The following XRN1 variants were observed in gnomAD, a reference collection of about 807,000 sequenced individuals.
XRN1 encodes the protein strand-exchange protein 1 homolog.
In XRN1, 67 loss-of-function variants were observed where a neutral mutation model predicts 222.3. The observed-to-expected ratio is 0.30, with a 90% confidence interval of 0.25 to 0.37. The LOEUF (loss-of-function observed/expected upper bound fraction) is 0.37. Among genes scored for constraint, XRN1 ranks in the 10% least tolerant of loss-of-function variants. The pLI is 1.00. For missense variants in XRN1, 1,707 were observed against 2,000.2 expected, an observed-to-expected ratio of 0.85 and a Z score of 2.80; for synonymous variants, 643 against 652.4, an observed-to-expected ratio of 0.99 and a Z score of 0.22.
At chr3:142,333,473 A>G (rs935871507) in intron 34 of XRN1, among the ~76,000 whole-genome samples, 2 of 152,208 alleles carry the variant, frequency 1.3e-5, no homozygotes, top group Non-Finnish European at 2.9e-5. Flanking sequence ...CTTTTGTATC[A>G]TAAGAAAAGG....
At chr3:142,380,458 G>A (rs1167285768) in intron 22 of XRN1, among the ~76,000 whole-genome samples, 2 of 151,630 alleles carry the variant, frequency 1.3e-5, no homozygotes, top group East Asian at 3.9e-4. Context: ...TTTTCTTTTT[G>A]ACAGGATCTC....
intron 2 of XRN1, among the ~76,000 whole-genome samples, chr3:142,430,196 T>C (rs1191679531): frequency 6.6e-6 from 1 of 152,192 alleles, no homozygotes; most frequent in Non-Finnish European, 1.5e-5. Context: ...TGGGAAGTTA[T>C]CCCTTACGGC....
chr3:142,402,181 C>CT (rs535300324), intron 18 of XRN1, among the ~76,000 whole-genome samples: 218 of 149,466 alleles, frequency 1.5e-3, no homozygotes, highest in Middle Eastern at 6.9e-3. Flanking sequence ...AATAGCCTTT[C>CT]TTTTTTTTTT....
intron 25 of XRN1, among the ~76,000 whole-genome samples, chr3:142,372,324 G>A (rs141944752): frequency 1.3e-5 from 2 of 152,248 alleles, no homozygotes; most frequent in Admixed American, 6.5e-5. Context: ...GGAAGCATAA[G>A]GTCTCTAGAA....
In XRN1 at chr3:142,308,188, C is replaced by T. The variant is rs544722814; in HGVS notation, c.*3323G>A. ...TAAATAAAAAGTGAGTAAAAAAGAC[C>T]TTACAGTTTATCTATTTCCTTGTGC... On this transcript the variant is annotated 3_prime_UTR_variant, in exon 41 of 41. Transcript: ENST00000392981. 3.3e-5 allele frequency: 5 copies of T among 152,022 alleles called. No homozygotes were observed. The highest frequency in any genetic ancestry group is 1.2e-4 in the African/African-American group (5 of 41,404). 9.4% of individuals were successfully genotyped at this position (152,022 alleles called of 1,614,324 possible). A position where few individuals can be genotyped will look rare whatever the true frequency, so the allele number is the denominator to read the frequency against.
chr3:142,398,657 A>G (rs2068018550), intron 19 of XRN1, among the ~76,000 whole-genome samples: 1 of 152,214 alleles, frequency 6.6e-6, no homozygotes, highest in South Asian at 2.1e-4. Flanking sequence ...TTGAGCCACC[A>G]CACCTGGCCC....
intron 15 of XRN1, 121 bp downstream of exon 15, chr3:142,412,423 G>C: frequency 1.5e-6 from 2 of 1,311,012 alleles, no homozygotes; most frequent in Non-Finnish European, 2.0e-6. Context: ...ATAATGAAGA[G>C]GGTAGCTAAA....
At chr3:142,383,209 A>G (rs1290182844) in intron 22 of XRN1, 91 bp downstream of exon 22, 4 of 1,000,298 alleles carry the variant, frequency 4.0e-6, no homozygotes, top group Middle Eastern at 2.2e-4. Context: ...TCCCTTCATT[A>G]TTATATTTTA....
At chr3:142,430,110 G>C (rs890510958) in intron 2 of XRN1, among the ~76,000 whole-genome samples, 13 of 152,122 alleles carry the variant, frequency 8.5e-5, no homozygotes, top group African/African-American at 3.1e-4. Context: ...CATTTTGGTA[G>C]GGGGCTCTGA....
At chr3:142,400,863 G>A (rs1285711997) in intron 18 of XRN1, among the ~76,000 whole-genome samples, 1 of 152,028 alleles carries the variant, frequency 6.6e-6, no homozygotes, top group Non-Finnish European at 1.5e-5. Context: ...GTTGCAGTGA[G>A]GTGAGATTGC....
intron 16 of XRN1, 148 bp downstream of exon 16, chr3:142,404,759 G>C (rs979731180): frequency 1.4e-6 from 1 of 706,332 alleles, no homozygotes; most frequent in Non-Finnish European, 2.4e-6. Flanking sequence ...CAAGTTAGAT[G>C]TAACTCATTG....
chr3:142,358,071 A>G, intron 30 of XRN1, among the ~76,000 whole-genome samples: 1 of 152,110 alleles, frequency 6.6e-6, no homozygotes, highest in African/African-American at 2.4e-5. Context: ...AACAAAAACA[A>G]AAACAAAAAA....
In XRN1 at chr3:142,321,492, T is replaced by G. The variant is rs181930957; in HGVS notation, c.4405-2589A>C. ...TGAACATGTATGCAAGGGTTTATTT[T>G]TGGGCTCTCTGTTCTATTCCATTGG... On this transcript the variant is annotated intron_variant, in intron 37 of 40. Transcript: ENST00000392981. 1.0e-3 allele frequency among the ~76,000 whole-genome samples: 153 copies of G among 152,292 alleles called. 1 individual carries two copies. The highest frequency in any genetic ancestry group is 3.5e-3 in the African/African-American group (144 of 41,570).
intron 32 of XRN1, among the ~76,000 whole-genome samples, chr3:142,350,966 C>T (rs1403049987): frequency 6.6e-6 from 1 of 152,124 alleles, no homozygotes; most frequent in Non-Finnish European, 1.5e-5. Context: ...GGGTTGAACA[C>T]TGAGTCTAAA....
chr3:142,440,826 C>A (rs2108205353), intron 1 of XRN1, among the ~76,000 whole-genome samples: 1 of 152,292 alleles, frequency 6.6e-6, no homozygotes. Context: ...TCCTGACTCT[C>A]AATTCTTGTT....
At position 142,425,210 on chromosome 3, in the gene XRN1, A is replaced by T. The variant is rs201512100; in HGVS notation, c.627+12T>A. On this transcript the variant is annotated intron_variant, in intron 5 of 40. Coordinates refer to ENST00000392981, the MANE Select transcript of XRN1 (RefSeq NM_001282857.2). ...CAATGCATAAGTTTATAATAATAAA[A>T]ATTATACCTACCAAGTCAGCATCTA... 2.6e-6 allele frequency: 4 copies of T among 1,528,048 alleles called. No homozygotes were observed. The highest frequency in any genetic ancestry group is 3.5e-6 in the Non-Finnish European group (4 of 1,134,750). 94.7% of individuals were successfully genotyped at this position (1,528,048 alleles called of 1,614,324 possible). A position where few individuals can be genotyped will look rare whatever the true frequency, so the allele number is the denominator to read the frequency against.
At chr3:142,352,520 T>C (rs2066338670) in intron 32 of XRN1, among the ~76,000 whole-genome samples, 1 of 152,222 alleles carries the variant, frequency 6.6e-6, no homozygotes. Flanking sequence ...TATTTTACCA[T>C]TTATGTTTAT....
chr3:142,313,544 C>T (rs1232132883), intron 39 of XRN1, among the ~76,000 whole-genome samples: 2 of 152,152 alleles, frequency 1.3e-5, no homozygotes, highest in Non-Finnish European at 2.9e-5. Context: ...AGAAGATATG[C>T]ACTATGTTCA....
chr3:142,389,826 G>T lies in XRN1; in HGVS notation c.2340-5141C>A, dbSNP rs569315275. ...TGTGCCACTGTGCCCGGCCAAAAAT[G>T]TATTTCTTAACTACTAAAACTTGAA... is the stretch of plus-strand genomic sequence containing the variant. On this transcript the variant is annotated intron_variant, in intron 20 of 40. Transcript: ENST00000392981. Among the ~76,000 whole-genome samples, 3 of 152,270 alleles carry T rather than the reference G, an allele frequency of 2.0e-5. No individual in the cohort carries two copies. The East Asian group carries it at 5.8e-4, about 29-fold the overall frequency.
Sources: gnomAD v4.1 joint callset for allele counts (sites outside exome capture counted in the v4.1 genomes callset) on GRCh38, gnomAD v4.1.1 for gene constraint, MANE v1.5 for transcripts, NCBI Gene and HGNC (gene_info 2026-07-23, HGNC 2026-07-21) for gene names.